The following PCDHA2 variants were observed in gnomAD, a reference collection of about 807,000 sequenced individuals.
PCDHA2 encodes the protein protocadherin alpha 2.
In PCDHA2, 58 loss-of-function variants were observed where a neutral mutation model predicts 66.0. The ratio of observed to expected loss-of-function variants is 0.88; its 90% CI spans 0.71 to 1.09. The LOEUF is 1.09. PCDHA2 is among the 50% of genes least tolerant of loss of function. The probability of loss-of-function intolerance (pLI) is 0.00; values close to 1 mark genes in which losing one functional copy is unlikely to be tolerated. For missense variants in PCDHA2, 1,267 were observed against 1,242.3 expected (o/e 1.02, Z -0.30); for synonymous variants, 634 against 554.0 (o/e 1.14, Z -2.03).
At chr5:140,883,355 A>C (rs763058953) in intron 1 of PCDHA2, 36 of 1,613,958 alleles carry the variant, frequency 2.2e-5, no homozygotes, top group Non-Finnish European at 3.0e-5. Context: ...CAGAGAAGAC[A>C]CTCAGCCTAG....
In PCDHA2 at chr5:140,871,306, A is replaced by T. The variant is rs782244596; in HGVS notation, c.2388+73954A>T. The T allele has an allele frequency of 3.7e-6, 6 of 1,613,964 alleles. No homozygotes were observed. In the East Asian group the frequency reaches 1.3e-4, roughly 36 times the overall value. ...CACTGAGGGCGCGTGCGCGCCGGGG[A>T]AGCCCACGCTGGTGTGCTCCCGCGC... On this transcript the variant is annotated intron_variant, in intron 1 of 3. Transcript: ENST00000526136.
At position 140,797,150 on chromosome 5, in the gene PCDHA2, A is replaced by G; in HGVS notation, c.2186A>G (p.Glu729Gly). The change falls in exon 1 of 4, where the codon GAG becomes GGG. Residue 729 changes from glutamate to glycine, a missense_variant. Coordinates refer to ENST00000526136, the MANE Select transcript of PCDHA2 (RefSeq NM_018905.3). ...CTGCGGTGCTCGGTGCCACCCACCG[A>G]GGGTGCGCGCGCGCCAGGAAAGCCC... ...TALRCSVPPTEGARAPGKPTL... is the reference protein window; with the variant it reads ...TALRCSVPPTGGARAPGKPTL... The G allele has an allele frequency of 6.2e-7, 1 of 1,613,886 alleles. No homozygotes were observed.
At chr5:140,974,496 T>C (rs1554236114) in intron 1 of PCDHA2, among the ~76,000 whole-genome samples, 1 of 152,198 alleles carries the variant, frequency 6.6e-6, no homozygotes, top group Non-Finnish European at 1.5e-5. Flanking sequence ...TCAAATGTAT[T>C]ACCTTTGTGT....
intron 1 of PCDHA2, among the ~76,000 whole-genome samples, chr5:140,938,842 G>T (rs2092225940): frequency 1.3e-5 from 2 of 151,980 alleles, no homozygotes; most frequent in African/African-American, 4.8e-5. Context: ...TAACAAACCT[G>T]CCCATGTACC....
intron 1 of PCDHA2, chr5:140,968,903 A>G: frequency 6.2e-7 from 1 of 1,614,216 alleles, no homozygotes; most frequent in Non-Finnish European, 8.5e-7. Context: ...AATAGCATTA[A>G]GCACAGTGTC....
rs529251467 is a variant in PCDHA2 at position 140,953,424 on chromosome 5, T to C, written c.2389-25525T>C. The stretch of plus-strand genomic sequence containing the variant: ...TGTTGCTCCTGGCTCCTCCCCTTTG[T>C]CCTTAAGCTGGAGAAACTAGGGATT... On this transcript the variant is annotated intron_variant, in intron 1 of 3. Transcript: ENST00000526136. 2.6e-5 allele frequency among the ~76,000 whole-genome samples: 4 copies of C among 152,230 alleles called. No individual in the cohort carries two copies. In the East Asian group the frequency reaches 7.7e-4, roughly 29 times the overall value.
At chr5:140,820,494 T>A (rs1766771556) in intron 1 of PCDHA2, among the ~76,000 whole-genome samples, 1 of 151,996 alleles carries the variant, frequency 6.6e-6, no homozygotes, top group Non-Finnish European at 1.5e-5. Flanking sequence ...ATTTAAGGAA[T>A]TTTATGGAGT....
chr5:140,813,058 C>T (rs10223116), intron 1 of PCDHA2: 71,793 of 151,960 alleles, frequency 0.47, 17,482 homozygotes, highest in Middle Eastern at 0.61. Flanking sequence ...TGTGACCTGA[C>T]GTGTGATTTA....
chr5:140,933,159 A>G (rs565076666), intron 1 of PCDHA2, among the ~76,000 whole-genome samples: 67 of 152,098 alleles, frequency 4.4e-4, no homozygotes, highest in African/African-American at 1.3e-3. Flanking sequence ...TTTGTTCCCA[A>G]TTTTAATTGA....
At chr5:140,922,866 GA>G (rs557650266) in intron 1 of PCDHA2, among the ~76,000 whole-genome samples, 2 of 152,096 alleles carry the variant, frequency 1.3e-5, no homozygotes, top group Non-Finnish European at 2.9e-5. Flanking sequence ...TAGACAAGGG[GA>G]AAAAATCCAA....
rs781945067 is a variant in PCDHA2, at chr5:140,809,603, T to C, written c.2388+12251T>C. ...TGTATAACATCCTTTTGTTTAATTT[T>C]CGTATTGTTTTTCTCTATCAACTTC... On this transcript the variant is annotated intron_variant, in intron 1 of 3. Coordinates refer to ENST00000526136, the MANE Select transcript of PCDHA2 (RefSeq NM_018905.3). The C allele has an allele frequency of 4.1e-5, 63 of 1,528,056 alleles. 1 individual carries two copies. In the Admixed American group the frequency reaches 1.3e-3, roughly 32 times the overall value. 94.7% of individuals were successfully genotyped at this position (1,528,056 alleles called of 1,614,324 possible).
chr5:140,999,368 A>G (rs549083218), intron 3 of PCDHA2, among the ~76,000 whole-genome samples: 1 of 152,280 alleles, frequency 6.6e-6, no homozygotes, highest in African/African-American at 2.4e-5. Context: ...TCACAATCCC[A>G]TTAGATGGTT....
chr5:140,828,176 G>T (rs782133322), intron 1 of PCDHA2: 2 of 1,614,128 alleles, frequency 1.2e-6, no homozygotes, highest in Non-Finnish European at 1.7e-6. Flanking sequence ...GGTGGGGAGC[G>T]GCCAGCTCCA....
intron 3 of PCDHA2, among the ~76,000 whole-genome samples, chr5:141,003,100 T>TTCACAATC (rs1311391173): frequency 6.6e-6 from 1 of 152,240 alleles, no homozygotes; most frequent in African/African-American, 2.4e-5. Flanking sequence ...TGGCATTTGC[T>TTCACAATC]TCACAATCTT....
rs782196410 is a variant in PCDHA2, at chr5:140,796,409, C to T, written c.1445C>T (p.Ala482Val). 1 of 1,613,988 alleles carries T rather than the reference C, an allele frequency of 6.2e-7. No individual in the cohort carries two copies. The highest frequency in any genetic ancestry group is 8.5e-7 in the Non-Finnish European group (1 of 1,179,974). The change falls in exon 1 of 4, where the codon GCG becomes GTG. Residue 482 changes from alanine to valine, a missense_variant. By Grantham distance (64) the Ala-to-Val change is moderately conservative. Coordinates refer to ENST00000526136, the MANE Select transcript of PCDHA2 (RefSeq NM_018905.3). ...ATCTTCACGGTGTCAGCGTGGGATGCGGACGCGCAGGAGAACGCGCTGGTG... is the reference window on the plus strand; with the variant it reads ...ATCTTCACGGTGTCAGCGTGGGATGTGGACGCGCAGGAGAACGCGCTGGTG... ...CHIFTVSAWD[A>V]DAQENALVSY...
intron 1 of PCDHA2, chr5:140,852,662 C>T: frequency 1.0e-6 from 1 of 963,512 alleles, no homozygotes; most frequent in Non-Finnish European, 1.3e-6. Context: ...ATCTGTCTAT[C>T]AGCACAACTC....
intron 1 of PCDHA2, among the ~76,000 whole-genome samples, chr5:140,918,826 C>T (rs200767772): frequency 2.0e-5 from 3 of 149,724 alleles, no homozygotes; most frequent in African/African-American, 7.4e-5. Flanking sequence ...AAGTGGCCCC[C>T]TCCCCAGACA....
intron 1 of PCDHA2, chr5:140,816,943 G>C (rs1258543587): frequency 1.3e-5 from 2 of 152,118 alleles, no homozygotes; most frequent in Non-Finnish European, 1.5e-5. Context: ...AGTGCCTGGA[G>C]TCAAGTGAGA....
chr5:140,862,840 C>A (rs1434718417), intron 1 of PCDHA2: 1 of 573,790 alleles, frequency 1.7e-6, no homozygotes, highest in Non-Finnish European at 3.3e-6. Flanking sequence ...CGCGGGCATG[C>A]CGCCTCTGAG....
Sources: gnomAD v4.1 joint callset for allele counts (sites outside exome capture counted in the v4.1 genomes callset) on GRCh38, gnomAD v4.1.1 for gene constraint, MANE v1.5 for transcripts, NCBI Gene and HGNC (gene_info 2026-07-23, HGNC 2026-07-21) for gene names.